Variants in LAMA1 observed in about 807,000 individuals in gnomAD.
The protein encoded by LAMA1 is laminin subunit alpha-1.
A neutral mutation model predicts 348.7 loss-of-function variants in LAMA1; 219 were observed. The ratio of observed to expected loss-of-function variants is 0.63; its 90% CI spans 0.56 to 0.70. LAMA1 has a LOEUF of 0.70. Among genes scored for constraint, LAMA1 ranks in the 30% least tolerant of loss-of-function variants. LAMA1 has a pLI of 0.00. For missense variants in LAMA1, 3,744 were observed against 3,888.0 expected (o/e 0.96, Z 0.99); for synonymous variants, 1,487 against 1,491.0 (o/e 1.00, Z 0.06).
At chr18:6,985,124 T>C in intron 39 of LAMA1, 113 bp downstream of exon 39, 1 of 1,245,226 alleles carries the variant, frequency 8.0e-7, no homozygotes, top group African/African-American at 1.5e-5. Context: ...AAAACAGGAG[T>C]GCTCATTTTT....
chr18:7,031,662 C>T (rs1250794919), intron 16 of LAMA1, among the ~76,000 whole-genome samples: 1 of 81,964 alleles, frequency 1.2e-5, no homozygotes, highest in African/African-American at 7.7e-5. Flanking sequence ...GCCTGGGTGA[C>T]AAGGTAAGAC....
At chr18:7,069,581 T>C (rs936217507) in intron 3 of LAMA1, among the ~76,000 whole-genome samples, 1 of 151,568 alleles carries the variant, frequency 6.6e-6, no homozygotes, top group African/African-American at 2.4e-5. Flanking sequence ...TGGCACTGTG[T>C]GACTGGAGAC....
Position 7,037,672 on chromosome 18 carries a change from C to T in LAMA1, c.1643G>A (p.Gly548Glu), listed in dbSNP as rs760833535. ...GTTGTTGATGCTGACCTGATGGCGC[C>T]CGCCTAGTGCATCTTGCTGAGACGG... ...KIPSQQDALG[G>E]RHQVSINNTA... The change falls in exon 12 of 63, where the codon GGG (glycine) becomes GAG (glutamate). Residue 548 changes from glycine (G) to glutamate (E), a missense_variant. By Grantham distance (98) the Gly-to-Glu change is moderately conservative. Coordinates refer to ENST00000389658, the MANE Select transcript of LAMA1 (RefSeq NM_005559.4). 2.5e-6 allele frequency: 4 copies of T among 1,614,144 alleles called. No homozygotes were observed. Among genetic ancestry groups the T allele is most frequent in the Non-Finnish European group, 3.4e-6 (4 of 1,180,032 alleles).
intron 3 of LAMA1, 129 bp from the exon 4 acceptor site, chr18:7,051,065 G>T: frequency 8.0e-7 from 1 of 1,246,168 alleles, no homozygotes; most frequent in Non-Finnish European, 1.1e-6. Flanking sequence ...ACAGTAGAAT[G>T]GTGGCTGCCA....
chr18:7,101,130 A>G (rs1043644115), intron 1 of LAMA1, among the ~76,000 whole-genome samples: 1 of 152,202 alleles, frequency 6.6e-6, no homozygotes, highest in African/African-American at 2.4e-5. Flanking sequence ...AATGAAAATG[A>G]TGACACTTTC....
chr18:7,098,578 G>A (rs930611289), intron 1 of LAMA1, among the ~76,000 whole-genome samples: 3 of 147,928 alleles, frequency 2.0e-5, no homozygotes, highest in South Asian at 2.2e-4. Flanking sequence ...CTGCCCGGCC[G>A]CCCCGTCTGA....
At chr18:7,046,485 A>G in intron 5 of LAMA1, 118 bp from the exon 6 acceptor site, 1 of 619,912 alleles carries the variant, frequency 1.6e-6, no homozygotes, top group Non-Finnish European at 2.9e-6. Flanking sequence ...AATCTAAAAT[A>G]TAATTACATG....
chr18:6,978,500 C>G (rs2057693664), intron 42 of LAMA1, 122 bp from the exon 43 acceptor site: 2 of 941,320 alleles, frequency 2.1e-6, no homozygotes, highest in African/African-American at 3.3e-5. Context: ...ATGCTGAACA[C>G]AAACTGAGGC....
intron 36 of LAMA1, among the ~76,000 whole-genome samples, chr18:6,988,349 C>A (rs559055902): frequency 6.6e-6 from 1 of 152,200 alleles, no homozygotes; most frequent in Non-Finnish European, 1.5e-5. Flanking sequence ...AACTGCCAGG[C>A]AGATTCCTTG....
chr18:7,043,527 T>A, intron 7 of LAMA1, 122 bp from the exon 8 acceptor site: 1 of 806,754 alleles, frequency 1.2e-6, no homozygotes, highest in Admixed American at 2.2e-5. Flanking sequence ...GAATAAGTAA[T>A]TTTAATAAGA....
intron 19 of LAMA1, among the ~76,000 whole-genome samples, chr18:7,019,486 G>A (rs371104689): frequency 6.6e-6 from 1 of 152,014 alleles, no homozygotes; most frequent in African/African-American, 2.4e-5. Flanking sequence ...ACTGTATGAT[G>A]TGTCTGTTAG....
chr18:7,018,590 T>G (rs1465842133), intron 19 of LAMA1, among the ~76,000 whole-genome samples: 1 of 151,726 alleles, frequency 6.6e-6, no homozygotes, highest in Non-Finnish European at 1.5e-5. Context: ...AGAGACAGGG[T>G]TTCACCGTGT....
chr18:7,053,775 A>G (rs1384084400), intron 3 of LAMA1, among the ~76,000 whole-genome samples: 1 of 141,000 alleles, frequency 7.1e-6, no homozygotes, highest in Non-Finnish European at 1.5e-5. Context: ...CTCCCTCATT[A>G]GAGGATTTTT....
chr18:7,003,435 TTTTTAG>T (rs1281332162), intron 29 of LAMA1, among the ~76,000 whole-genome samples: 3 of 152,072 alleles, frequency 2.0e-5, no homozygotes, highest in Non-Finnish European at 4.4e-5. Context: ...TTTATTTTTA[TTTTTAG>T]TAGAGACAGG....
At chr18:6,949,319 G>A (rs903142275) in intron 58 of LAMA1, 60 bp from the exon 59 acceptor site, 4 of 1,507,656 alleles carry the variant, frequency 2.7e-6, no homozygotes, top group South Asian at 2.3e-5. Context: ...TTTAACAGAT[G>A]TATAAACTTT....
intron 17 of LAMA1, among the ~76,000 whole-genome samples, chr18:7,025,209 C>T (rs1484472588): frequency 2.6e-5 from 4 of 152,218 alleles, no homozygotes; most frequent in African/African-American, 9.6e-5. Context: ...ACATCTCCTT[C>T]CACCTCCCTC....
At chr18:6,972,904 T>C (rs2057664600) in intron 47 of LAMA1, among the ~76,000 whole-genome samples, 153 bp downstream of exon 47, 1 of 152,174 alleles carries the variant, frequency 6.6e-6, no homozygotes, top group South Asian at 2.1e-4. Flanking sequence ...TTGGTCAGGC[T>C]GGTCTTGAAC....
At chr18:7,093,232 C>T (rs377395255) in intron 1 of LAMA1, among the ~76,000 whole-genome samples, 17 of 152,052 alleles carry the variant, frequency 1.1e-4, no homozygotes, top group Admixed American at 2.0e-4. Context: ...CTGGCTAACA[C>T]GGTGAAACCC....
At chr18:7,004,477 C>T (rs1186767918) in intron 29 of LAMA1, among the ~76,000 whole-genome samples, 3 of 152,120 alleles carry the variant, frequency 2.0e-5, no homozygotes, top group Non-Finnish European at 2.9e-5. Context: ...CCCAGCCTCC[C>T]GAGCAGCTGG....
Sources: allele counts gnomAD v4.1 joint callset (sites outside exome capture counted in the v4.1 genomes callset), GRCh38; gene constraint gnomAD v4.1.1; transcripts MANE v1.5; gene names NCBI Gene and HGNC (gene_info 2026-07-23, HGNC 2026-07-21).